The following FBXO11 variants were observed in gnomAD, a reference collection of about 807,000 sequenced individuals.
FBXO11 encodes the protein F-box only protein 11.
A neutral mutation model predicts 117.0 loss-of-function variants in FBXO11; 13 were observed. That is an observed-to-expected ratio of 0.11 (90% CI 0.07 to 0.18). FBXO11 has a LOEUF of 0.18. Ranked by LOEUF, FBXO11 falls within the 10% of genes least tolerant of loss-of-function variation. FBXO11 has a pLI of 1.00. For synonymous variants in FBXO11, 490 were observed against 380.5 expected (o/e 1.29, Z -3.35); for missense variants, 767 against 1,164.4 (o/e 0.66, Z 4.97).
In FBXO11 at chr2:47,808,252, A is replaced by G; in HGVS notation, c.2655-5T>C. The G allele has an allele frequency of 3.1e-6, 5 of 1,612,780 alleles. No individual in the cohort carries two copies. The highest frequency in any genetic ancestry group is 3.4e-6 in the Non-Finnish European group (4 of 1,179,754). Reference sequence around the variant, plus strand: ...GCACCACAGTCACAGAAAAACCTAAAGCAAAATGAAACCCAAATATTAGAA... The same window carrying G: ...GCACCACAGTCACAGAAAAACCTAAGGCAAAATGAAACCCAAATATTAGAA... On this transcript the variant is annotated splice_region_variant and splice_polypyrimidine_tract_variant and intron_variant, in intron 22 of 22. Coordinates refer to ENST00000403359, the MANE Select transcript of FBXO11 (RefSeq NM_001190274.2).
intron 1 of FBXO11, among the ~76,000 whole-genome samples, chr2:47,850,298 G>C (rs1340689859): frequency 6.6e-6 from 1 of 152,126 alleles, no homozygotes; most frequent in Non-Finnish European, 1.5e-5. Flanking sequence ...TTTCAATTTT[G>C]AGTTTTGAGG....
At chr2:47,858,616 A>G (rs1390011676) in intron 1 of FBXO11, among the ~76,000 whole-genome samples, 2 of 140,222 alleles carry the variant, frequency 1.4e-5, no homozygotes, top group Non-Finnish European at 3.1e-5. Flanking sequence ...TGGGAGGCAG[A>G]GGTTGCAGTG....
chr2:47,811,774 G>A (rs573151699), intron 18 of FBXO11: 2 of 152,152 alleles, frequency 1.3e-5, no homozygotes, highest in South Asian at 4.2e-4. Flanking sequence ...CAGTCCTGTT[G>A]GTTCCACCCT....
At chr2:47,813,655 A>C in intron 17 of FBXO11, 136 bp downstream of exon 17, 1 of 664,890 alleles carries the variant, frequency 1.5e-6, no homozygotes, top group South Asian at 1.8e-5. Flanking sequence ...CTGGTCTTAA[A>C]CTCCTGACCT....
chr2:47,867,809 A>C (rs1006045698), intron 1 of FBXO11, among the ~76,000 whole-genome samples: 5 of 152,294 alleles, frequency 3.3e-5, no homozygotes, highest in South Asian at 2.1e-4. Flanking sequence ...TCTCCTAAAG[A>C]CATAGTACAT....
intron 1 of FBXO11, 30 bp from the exon 2 acceptor site, chr2:47,839,799 T>G (rs759767997): frequency 6.3e-7 from 1 of 1,583,660 alleles, no homozygotes; most frequent in East Asian, 2.2e-5. Context: ...TAAGAAAAAT[T>G]ATACCCTTTT....
intron 11 of FBXO11, among the ~76,000 whole-genome samples, chr2:47,831,363 C>T (rs996105251): frequency 7.2e-6 from 1 of 138,126 alleles, no homozygotes; most frequent in Non-Finnish European, 1.5e-5. Flanking sequence ...TGCAGTGAGC[C>T]AAGATCACAC....
chr2:47,835,113 T>C (rs1672450866), intron 5 of FBXO11, among the ~76,000 whole-genome samples: 1 of 152,218 alleles, frequency 6.6e-6, no homozygotes, highest in African/African-American at 2.4e-5. Flanking sequence ...GTTAATTCTT[T>C]GTTATGGGGG....
intron 11 of FBXO11, among the ~76,000 whole-genome samples, chr2:47,827,286 T>C (rs559143112): frequency 6.6e-5 from 10 of 152,190 alleles, no homozygotes; most frequent in Non-Finnish European, 1.2e-4. Flanking sequence ...TCAGTTAATG[T>C]AATTTTGCTT....
chr2:47,900,359 T>C (rs1678015160), intron 1 of FBXO11, among the ~76,000 whole-genome samples: 2 of 151,770 alleles, frequency 1.3e-5, no homozygotes, highest in Non-Finnish European at 2.9e-5. Flanking sequence ...ACAGGAAAAA[T>C]CATGTTTCTT....
intron 10 of FBXO11, 30 bp from the exon 11 acceptor site, chr2:47,832,516 G>T: frequency 5.0e-6 from 8 of 1,609,476 alleles, no homozygotes; most frequent in Non-Finnish European, 6.8e-6. Context: ...ACAAACATCA[G>T]TAGAGCTTTT....
At chr2:47,818,056 G>A (rs567709463) in intron 16 of FBXO11, among the ~76,000 whole-genome samples, 37 of 152,210 alleles carry the variant, frequency 2.4e-4, no homozygotes, top group Non-Finnish European at 4.0e-4. Context: ...CTGAGGTTGC[G>A]GTGAGCCGAG....
In FBXO11 at chr2:47,807,260, T is replaced by C. The variant is rs1670279277; in HGVS notation, c.*858A>G. 1 of 226,336 alleles carries C rather than the reference T, an allele frequency of 4.4e-6. No individual in the cohort carries two copies. Among genetic ancestry groups the C allele is most frequent in the Non-Finnish European group, 8.8e-6 (1 of 113,422 alleles). 14.0% of individuals were successfully genotyped at this position (226,336 alleles called of 1,614,324 possible). ...AGAGTTCAAATACAGGACTGTTTGT[T>C]TTGAAGAGACTTTCTAAAGTGTACT... is the stretch of plus-strand genomic sequence containing the variant. On this transcript the variant is annotated 3_prime_UTR_variant, in exon 23 of 23. Transcript: ENST00000403359.
At position 47,867,383 on chromosome 2, in the gene FBXO11, T is replaced by C. The variant is rs193217211; in HGVS notation, c.233-27614A>G. Among the ~76,000 whole-genome samples, 8 of 152,308 alleles carry C rather than the reference T, an allele frequency of 5.3e-5. No individual in the cohort carries two copies. In the East Asian group the frequency reaches 1.4e-3, roughly 26 times the overall value. Reference sequence around the variant, plus strand: ...AGAAATAAAAGAGAGTTCTGGAAGTTCTCATACTGGCAATTAAATGATTGG... The same window carrying C: ...AGAAATAAAAGAGAGTTCTGGAAGTCCTCATACTGGCAATTAAATGATTGG... On this transcript the variant is annotated intron_variant, in intron 1 of 22. Coordinates refer to ENST00000403359, the MANE Select transcript of FBXO11 (RefSeq NM_001190274.2).
At chr2:47,878,357 CTTTTT>C (rs372609853) in intron 1 of FBXO11, among the ~76,000 whole-genome samples, 1 of 148,756 alleles carries the variant, frequency 6.7e-6, no homozygotes, top group Non-Finnish European at 1.5e-5. Flanking sequence ...GCCTTTTGTT[CTTTTT>C]TTTTTCTTTT....
At chr2:47,894,244 GA>G (rs1163375000) in intron 1 of FBXO11, among the ~76,000 whole-genome samples, 2 of 152,142 alleles carry the variant, frequency 1.3e-5, no homozygotes, top group Non-Finnish European at 2.9e-5. Context: ...TCAAGGACCA[GA>G]AAAACATCTC....
chr2:47,874,681 T>C (rs1465069246), intron 1 of FBXO11, among the ~76,000 whole-genome samples: 2 of 152,178 alleles, frequency 1.3e-5, no homozygotes, highest in South Asian at 2.1e-4. Flanking sequence ...ACTACAGGCA[T>C]GTACCACCAT....
intron 1 of FBXO11, among the ~76,000 whole-genome samples, chr2:47,846,664 C>T (rs1047384304): frequency 6.6e-6 from 1 of 151,872 alleles, no homozygotes; most frequent in Non-Finnish European, 1.5e-5. Flanking sequence ...AGAACGCAAT[C>T]CACATATGTA....
chr2:47,882,419 G>A (rs776979357), intron 1 of FBXO11, among the ~76,000 whole-genome samples: 3 of 151,762 alleles, frequency 2.0e-5, no homozygotes, highest in Admixed American at 1.3e-4. Flanking sequence ...CTTTCAATAC[G>A]TAAGTTTCAT....
Sources: allele counts gnomAD v4.1 joint callset (sites outside exome capture counted in the v4.1 genomes callset), GRCh38; gene constraint gnomAD v4.1.1; transcripts MANE v1.5; gene names NCBI Gene and HGNC (gene_info 2026-07-23, HGNC 2026-07-21).